Variants in UNC79 observed in about 807,000 individuals in gnomAD.
The protein encoded by UNC79 is protein unc-79 homolog.
UNC79 carries 37 observed loss-of-function variants against 283.1 expected under a neutral mutation model. That is an observed-to-expected ratio of 0.13 (90% CI 0.10 to 0.17). UNC79 has a LOEUF of 0.17. Ranked by LOEUF, UNC79 falls within the 10% of genes least tolerant of loss-of-function variation. The pLI is 1.00. For missense variants in UNC79, 2,272 were observed against 3,211.1 expected (o/e 0.71, Z 7.07); for synonymous variants, 1,107 against 1,200.2 (o/e 0.92, Z 1.61).
chr14:93,596,590 G>A (rs934894476), intron 23 of UNC79, among the ~76,000 whole-genome samples: 6 of 152,184 alleles, frequency 3.9e-5, no homozygotes, highest in African/African-American at 7.2e-5. Flanking sequence ...AGCTGAAATC[G>A]TGCCACTGCA....
At chr14:93,646,910 A>G (rs909041362) in intron 35 of UNC79, among the ~76,000 whole-genome samples, 3 of 152,166 alleles carry the variant, frequency 2.0e-5, no homozygotes, top group Non-Finnish European at 4.4e-5. Flanking sequence ...TTAGGCTCCA[A>G]TTGCAGCTCT....
At chr14:93,640,297 C>CA (rs1205351600) in intron 32 of UNC79, among the ~76,000 whole-genome samples, 1 of 152,058 alleles carries the variant, frequency 6.6e-6, no homozygotes, top group Non-Finnish European at 1.5e-5. Flanking sequence ...ATGGTTCCTT[C>CA]AAAAAAACTT....
chr14:93,392,346 AT>A (rs1215253857), intron 1 of UNC79, among the ~76,000 whole-genome samples: 1 of 152,234 alleles, frequency 6.6e-6, no homozygotes, highest in Non-Finnish European at 1.5e-5. Context: ...GTGTGCTTTT[AT>A]TTATTTAATG....
chr14:93,496,274 T>C (rs2059008279), intron 5 of UNC79, 137 bp from the exon 6 acceptor site: 2 of 543,928 alleles, frequency 3.7e-6, no homozygotes, highest in East Asian at 7.0e-5. Flanking sequence ...AGTATGAATA[T>C]ATGGAGAGAA....
chr14:93,409,138 G>A (rs909141509), intron 1 of UNC79, among the ~76,000 whole-genome samples: 4 of 152,128 alleles, frequency 2.6e-5, no homozygotes, highest in Non-Finnish European at 4.4e-5. Context: ...CTCATTATTT[G>A]TAGATGCTAA....
At chr14:93,605,597 G>A (rs186839933) in intron 26 of UNC79, among the ~76,000 whole-genome samples, 43 of 152,234 alleles carry the variant, frequency 2.8e-4, no homozygotes, top group Non-Finnish European at 7.4e-5. Context: ...TGAAGGTTCC[G>A]AATACCTGCT....
rs771051532 is a variant in UNC79 at position 93,621,840 on chromosome 14, C to T, written c.4607C>T (p.Ala1536Val). 4.3e-6 allele frequency: 7 copies of T among 1,614,030 alleles called. No homozygotes were observed. The South Asian group carries it at 5.5e-5, about 13-fold the overall frequency. ...ATAGAGAAGCCTCCGACCCAAGCTGCGTATATCGCACAAAGACCAAACGAC... is the reference window on the plus strand; with the variant it reads ...ATAGAGAAGCCTCCGACCCAAGCTGTGTATATCGCACAAAGACCAAACGAC... Residue 1536 changes from alanine (A) to valine (V), a missense_variant, in exon 30 of 49, where the codon GCG (alanine) becomes GTG (valine). Physicochemically the swap from Ala to Val is moderately conservative, Grantham distance 64 (BLOSUM62 0). Transcript: ENST00000555664. The surrounding 1 kb of genome is among the most constrained non-coding windows in gnomAD (Gnocchi z 4.8).
intron 34 of UNC79, among the ~76,000 whole-genome samples, chr14:93,646,105 G>A (rs1363068140): frequency 2.6e-5 from 4 of 151,942 alleles, no homozygotes; most frequent in East Asian, 1.9e-4. Flanking sequence ...GCTCCATATC[G>A]TTTACTTAAC....
At chr14:93,691,879 T>C (rs2074724181) in exon 46 of UNC79, 6 of 1,614,212 alleles carry the variant, frequency 3.7e-6, no homozygotes, top group Non-Finnish European at 5.1e-6. Context: ...ACGGCGATAC[T>C]GACAGCACTA....
At chr14:93,428,261 T>G (rs1174978773), upstream of UNC79, among the ~76,000 whole-genome samples, 1 of 152,078 alleles carries the variant, frequency 6.6e-6, no homozygotes, top group Non-Finnish European at 1.5e-5. Flanking sequence ...GCAAGCAGGA[T>G]GGGAAAATCC....
chr14:93,487,561 A>ATTTT, intron 4 of UNC79, 102 bp from the exon 5 acceptor site: 2 of 697,122 alleles, frequency 2.9e-6, no homozygotes, highest in Non-Finnish European at 2.2e-6. Flanking sequence ...TATTGGAGCT[A>ATTTT]TTTTTTTTTT....
At chr14:93,461,012 A>G (rs562360612) in intron 1 of UNC79, among the ~76,000 whole-genome samples, 47 of 152,360 alleles carry the variant, frequency 3.1e-4, no homozygotes, top group Non-Finnish European at 5.6e-4. Flanking sequence ...CATTAAAATG[A>G]TGATATAGAA....
chr14:93,660,881 C>A (rs944657792), intron 39 of UNC79, among the ~76,000 whole-genome samples: 2 of 152,014 alleles, frequency 1.3e-5, no homozygotes, highest in Non-Finnish European at 2.9e-5. Context: ...TGTCCCACTG[C>A]GCCCAACCTC....
chr14:93,497,523 C>G (rs887237804), intron 7 of UNC79, among the ~76,000 whole-genome samples: 1 of 152,210 alleles, frequency 6.6e-6, no homozygotes, highest in African/African-American at 2.4e-5. Context: ...TGCTGTACCA[C>G]TGGCTGAGGG....
At chr14:93,415,824 T>G (rs1054396088) in intron 1 of UNC79, among the ~76,000 whole-genome samples, 3 of 151,362 alleles carry the variant, frequency 2.0e-5, no homozygotes, top group Non-Finnish European at 3.0e-5. Flanking sequence ...GTTTGTAGTA[T>G]TCTCTGATGG....
chr14:93,603,922 A>C lies in UNC79; in HGVS notation c.3754+504A>C, dbSNP rs555696618. ...TTTGAAATAGAGAAATCGGGCTGAG[A>C]AATTGAATTTCTGCTCATCTTCACC... On this transcript the variant is annotated intron_variant, in intron 26 of 48. Transcript: ENST00000555664. Among the ~76,000 whole-genome samples the C allele has an allele frequency of 2.0e-5, 3 of 152,314 alleles. No individual in the cohort carries two copies. The East Asian group carries it at 5.8e-4, about 29-fold the overall frequency.
At chr14:93,473,963 C>T (rs558283744) in intron 2 of UNC79, 126 bp from the exon 3 acceptor site, 19 of 1,137,574 alleles carry the variant, frequency 1.7e-5, no homozygotes, top group African/African-American at 9.4e-5. Context: ...ACCCTGCTGG[C>T]GTGGCAATTG....
intron 4 of UNC79, among the ~76,000 whole-genome samples, chr14:93,480,162 T>G (rs142049223): frequency 1.9e-3 from 292 of 152,330 alleles, no homozygotes; most frequent in African/African-American, 6.8e-3. Context: ...CTTACTTACA[T>G]AAATGTACAA....
chr14:93,368,236 A>T (rs1187633118), intron 1 of UNC79, among the ~76,000 whole-genome samples: 1 of 152,206 alleles, frequency 6.6e-6, no homozygotes, highest in African/African-American at 2.4e-5. Context: ...AGTGTTTCTA[A>T]AACACTGAGA....
Sources: gnomAD v4.1 joint callset for allele counts (sites outside exome capture counted in the v4.1 genomes callset) on GRCh38, gnomAD v4.1.1 for gene constraint, Gnocchi (gnomAD v3.1) non-coding constraint, MANE v1.5 for transcripts, NCBI Gene and HGNC (gene_info 2026-07-23, HGNC 2026-07-21) for gene names.